The following GALNTL6 variants were observed in gnomAD, a reference collection of about 807,000 sequenced individuals.
The protein encoded by GALNTL6 is polypeptide N-acetylgalactosaminyltransferase-like 6.
Under a neutral mutation model 73.7 loss-of-function variants are expected in GALNTL6, and 46 were observed. The observed-to-expected ratio is 0.62, with a 90% confidence interval of 0.49 to 0.80. GALNTL6 has a LOEUF of 0.80. GALNTL6 is among the 30% of genes least tolerant of loss of function. The pLI, the probability that GALNTL6 is intolerant of heterozygous loss-of-function variation, is 0.00. For synonymous variants in GALNTL6, 259 were observed against 263.7 expected, an observed-to-expected ratio of 0.98 and a Z score of 0.17; for missense variants, 604 against 755.0, an observed-to-expected ratio of 0.80 and a Z score of 2.34.
chr4:172,600,905 A>C (rs1312578096), intron 5 of GALNTL6, among the ~76,000 whole-genome samples: 3 of 152,128 alleles, frequency 2.0e-5, no homozygotes, highest in African/African-American at 7.2e-5. Flanking sequence ...GAAATACATC[A>C]TATCTAGTGT....
At chr4:171,889,842 G>A (rs1165379771) in intron 2 of GALNTL6, among the ~76,000 whole-genome samples, 1 of 152,080 alleles carries the variant, frequency 6.6e-6, no homozygotes. Flanking sequence ...GTGAACAGGT[G>A]TGATGTAAAA....
At chr4:172,121,375 T>C (rs956227791) in intron 2 of GALNTL6, among the ~76,000 whole-genome samples, 21 of 151,940 alleles carry the variant, frequency 1.4e-4, no homozygotes, top group African/African-American at 5.1e-4. Flanking sequence ...CATTCATATA[T>C]AAGAACCCTC....
chr4:172,279,290 G>C (rs112241529), intron 3 of GALNTL6, among the ~76,000 whole-genome samples: 273 of 152,166 alleles, frequency 1.8e-3, no homozygotes, highest in African/African-American at 5.9e-3. Flanking sequence ...CCATTGAAAT[G>C]GGAGAAAATA....
At chr4:172,998,581 T>C (rs1481992878) in intron 10 of GALNTL6, among the ~76,000 whole-genome samples, 2 of 152,200 alleles carry the variant, frequency 1.3e-5, no homozygotes, top group African/African-American at 2.4e-5. Flanking sequence ...GCAATCTGTC[T>C]TCTACCTTCA....
chr4:172,562,088 C>T (rs1736394090), intron 5 of GALNTL6, among the ~76,000 whole-genome samples: 1 of 152,142 alleles, frequency 6.6e-6, no homozygotes, highest in South Asian at 2.1e-4. Context: ...CTCTCTGAAT[C>T]TTTGTAAGAA....
intron 5 of GALNTL6, among the ~76,000 whole-genome samples, chr4:172,614,126 A>G (rs1335986347): frequency 1.4e-5 from 2 of 147,848 alleles, no homozygotes; most frequent in African/African-American, 5.1e-5. Context: ...TTATCTATCT[A>G]TCTATCTATC....
chr4:171,889,333 C>T (rs1015134197), intron 2 of GALNTL6, among the ~76,000 whole-genome samples: 6 of 152,002 alleles, frequency 3.9e-5, no homozygotes, highest in Admixed American at 3.9e-4. Context: ...GTAAGCATTG[C>T]TTCAGTCTTT....
intron 4 of GALNTL6, among the ~76,000 whole-genome samples, chr4:172,313,587 T>C (rs1740439926): frequency 1.3e-5 from 2 of 152,170 alleles, no homozygotes; most frequent in Admixed American, 1.3e-4. Flanking sequence ...GAAAAGATCT[T>C]ATGTAATAAT....
chr4:172,231,092 A>G (rs965649606), intron 3 of GALNTL6, among the ~76,000 whole-genome samples: 1 of 152,040 alleles, frequency 6.6e-6, no homozygotes, highest in African/African-American at 2.4e-5. Flanking sequence ...AGGTTTTATC[A>G]TCTTTCCACC....
intron 5 of GALNTL6, among the ~76,000 whole-genome samples, chr4:172,523,381 T>C (rs1050120020): frequency 6.6e-6 from 1 of 152,064 alleles, no homozygotes; most frequent in Admixed American, 6.6e-5. Flanking sequence ...TTTATTTATT[T>C]TGAGACAGAG....
intron 3 of GALNTL6, among the ~76,000 whole-genome samples, chr4:172,288,235 C>T (rs991407907): frequency 2.6e-5 from 4 of 151,868 alleles, no homozygotes; most frequent in South Asian, 2.1e-4. Context: ...GGACTACAGG[C>T]GCCAACCACC....
intron 5 of GALNTL6, among the ~76,000 whole-genome samples, chr4:172,563,569 G>A (rs1175137361): frequency 6.6e-6 from 1 of 152,152 alleles, no homozygotes; most frequent in Admixed American, 6.5e-5. Context: ...TCAAAGATGA[G>A]CATGTGCAAT....
chr4:172,612,810 T>G (rs1200563343), intron 5 of GALNTL6, among the ~76,000 whole-genome samples: 1 of 152,156 alleles, frequency 6.6e-6, no homozygotes, highest in Non-Finnish European at 1.5e-5. Context: ...CCTGATCTAC[T>G]TCAGTGCTTT....
chr4:172,034,632 G>A lies in GALNTL6; in HGVS notation c.139-195024G>A, dbSNP rs964796527. Among the ~76,000 whole-genome samples the A allele has an allele frequency of 2.6e-5, 4 of 152,102 alleles. No homozygotes were observed. The South Asian group carries it at 6.2e-4, about 24-fold the overall frequency. Reference sequence around the variant, plus strand: ...CACAAACTCATGAATTTACAAGCAAGCAAAATGTTTCCAAGTCACTTTCAT... The same window carrying A: ...CACAAACTCATGAATTTACAAGCAAACAAAATGTTTCCAAGTCACTTTCAT... On this transcript the variant is annotated intron_variant, in intron 2 of 12. Coordinates refer to ENST00000506823, the MANE Select transcript of GALNTL6 (RefSeq NM_001034845.3).
intron 5 of GALNTL6, among the ~76,000 whole-genome samples, chr4:172,637,661 T>C (rs896842364): frequency 6.6e-6 from 1 of 152,130 alleles, no homozygotes; most frequent in African/African-American, 2.4e-5. Flanking sequence ...ATAAAATCAT[T>C]TAACATAATT....
chr4:172,704,341 C>T (rs1734200219), intron 5 of GALNTL6, among the ~76,000 whole-genome samples: 1 of 151,800 alleles, frequency 6.6e-6, no homozygotes, highest in South Asian at 2.1e-4. Flanking sequence ...ATAAACTTCT[C>T]ATCTCTCTTC....
chr4:172,258,903 A>T (rs1173872069), intron 3 of GALNTL6, among the ~76,000 whole-genome samples: 1 of 151,374 alleles, frequency 6.6e-6, no homozygotes, highest in Non-Finnish European at 1.5e-5. Flanking sequence ...AGCTCCATCC[A>T]GGATACTGTG....
At chr4:171,936,446 T>A (rs187714690) in intron 2 of GALNTL6, among the ~76,000 whole-genome samples, 1 of 152,282 alleles carries the variant, frequency 6.6e-6, no homozygotes, top group African/African-American at 2.4e-5. Context: ...TTGATGCAGA[T>A]GAGGCCAAGA....
At chr4:172,009,681 T>C (rs1740946614) in intron 2 of GALNTL6, among the ~76,000 whole-genome samples, 3 of 152,142 alleles carry the variant, frequency 2.0e-5, no homozygotes, top group Admixed American at 1.3e-4. Context: ...CCTGCTTCTG[T>C]TAAAATCACT....
Sources: allele counts gnomAD v4.1 joint callset (sites outside exome capture counted in the v4.1 genomes callset), GRCh38; gene constraint gnomAD v4.1.1; transcripts MANE v1.5; gene names NCBI Gene and HGNC (gene_info 2026-07-23, HGNC 2026-07-21).